STK3: variants seen among roughly 807,000 people sequenced by gnomAD.
The protein encoded by STK3 is serine/threonine kinase 3, also known as serine/threonine-protein kinase 3.
In STK3, 41 loss-of-function variants were observed where a neutral mutation model predicts 58.0. The ratio of observed to expected loss-of-function variants is 0.71; its 90% confidence interval spans 0.55 to 0.92. STK3 has a LOEUF of 0.92. Among genes scored for constraint, STK3 ranks in the 40% least tolerant of loss-of-function variants. The pLI, the probability that STK3 is intolerant of heterozygous loss-of-function variation, is 0.00. For synonymous variants in STK3, 170 were observed against 191.0 expected, an observed-to-expected ratio of 0.89 and a Z score of 0.91; for missense variants, 479 against 602.7, an observed-to-expected ratio of 0.79 and a Z score of 2.15.
At chr8:98,654,181 A>T (rs1232263353) in intron 6 of STK3, among the ~76,000 whole-genome samples, 1 of 152,270 alleles carries the variant, frequency 6.6e-6, no homozygotes, top group Non-Finnish European at 1.5e-5. Flanking sequence ...GGTTCGATAT[A>T]CAGAAATCAA....
At chr8:98,838,529 G>A (rs1479292062) in intron 3 of STK3, among the ~76,000 whole-genome samples, 3 of 151,958 alleles carry the variant, frequency 2.0e-5, no homozygotes, top group South Asian at 2.1e-4. Flanking sequence ...GAGCAGGAGC[G>A]AAAAAAGAGG....
intron 3 of STK3, among the ~76,000 whole-genome samples, chr8:98,412,592 G>C (rs1193223602): frequency 6.6e-6 from 1 of 152,212 alleles, no homozygotes; most frequent in African/African-American, 2.4e-5. Context: ...GAGTCCAACT[G>C]TCCTTATCAC....
At chr8:98,529,319 C>T (rs1825979974) in intron 9 of STK3, among the ~76,000 whole-genome samples, 2 of 152,042 alleles carry the variant, frequency 1.3e-5, no homozygotes, top group South Asian at 2.1e-4. Context: ...GACAGGTAAA[C>T]GTCCTATCTC....
At chr8:98,920,331 T>G (rs1839508588) in intron 1 of STK3, among the ~76,000 whole-genome samples, 1 of 151,854 alleles carries the variant, frequency 6.6e-6, no homozygotes. Flanking sequence ...GGGATAGAGC[T>G]GACAGAACGA....
Position 98,707,368 on chromosome 8 carries a change from C to T in STK3, c.352-57G>A, listed in dbSNP as rs1048805962. 28 of 1,271,112 alleles carry T rather than the reference C, an allele frequency of 2.2e-5. No individual in the cohort carries two copies. The East Asian group carries it at 3.9e-4, about 18-fold the overall frequency. 78.7% of individuals were successfully genotyped at this position (1,271,112 alleles called of 1,614,324 possible). On this transcript the variant is annotated intron_variant, in intron 4 of 10. Coordinates refer to ENST00000419617, the MANE Select transcript of STK3 (RefSeq NM_006281.4). ...AAATGCCACGTTAGATAAAATCTTA[C>T]GAAAGAGCACTAGTAACAAGTATGT... is the stretch of plus-strand genomic sequence containing the variant.
the STK3 span, among the ~76,000 whole-genome samples, chr8:98,346,381 A>G: frequency 6.6e-6 from 1 of 151,764 alleles, no homozygotes; most frequent in East Asian, 1.9e-4. Flanking sequence ...GAGGAGGGGG[A>G]GTAGGAGACT....
At chr8:98,357,454 C>G in the STK3 span, among the ~76,000 whole-genome samples, 1 of 152,190 alleles carries the variant, frequency 6.6e-6, no homozygotes, top group African/African-American at 2.4e-5. Context: ...CCCAGAAGCA[C>G]GGGATTCATA....
At chr8:98,830,969 CAAAAAAAAAAAAAA>C (rs760622434) in intron 3 of STK3, among the ~76,000 whole-genome samples, 4 of 59,926 alleles carry the variant, frequency 6.7e-5, no homozygotes, top group Non-Finnish European at 9.2e-5. Flanking sequence ...GACTCTGTCT[CAAAAAAAAAAAAAA>C]AAAAAAAAGG....
At chr8:98,900,130 G>A (rs188944198) in intron 1 of STK3, among the ~76,000 whole-genome samples, 49 of 152,282 alleles carry the variant, frequency 3.2e-4, no homozygotes, top group Middle Eastern at 3.4e-3. Context: ...AGGCTGGAGT[G>A]CAGTGGTGCG....
Position 98,428,432 on chromosome 8 carries a change from C to T in STK3, n.483+5695G>A. ...GCACCACGTCTTCCTTCGATGAGAT[C>T]CTTGCCTTCTACAACGACGCCTCCA... On this transcript the variant is annotated intron_variant and non_coding_transcript_variant, in intron 3 of 3. Transcript: ENST00000517832. The surrounding 1 kb of genome is among the most constrained non-coding windows in gnomAD (Gnocchi z 6.7). The T allele has an allele frequency of 6.2e-7, 1 of 1,614,146 alleles. No homozygotes were observed. The highest frequency in any genetic ancestry group is 2.2e-5 in the East Asian group (1 of 44,860).
intron 4 of STK3, chr8:98,721,160 T>C: frequency 4.1e-6 from 4 of 965,764 alleles, no homozygotes; most frequent in Non-Finnish European, 4.9e-6. Flanking sequence ...GATGCTTAAT[T>C]CTGCTAAAAC....
intron 1 of STK3, among the ~76,000 whole-genome samples, chr8:98,780,656 C>T (rs1832029131): frequency 6.6e-6 from 1 of 150,610 alleles, no homozygotes; most frequent in African/African-American, 2.4e-5. Flanking sequence ...GTAAGAAACA[C>T]AGGGGAAAAA....
chr8:98,483,812 A>G (rs1050078657), intron 10 of STK3, among the ~76,000 whole-genome samples: 12 of 152,168 alleles, frequency 7.9e-5, no homozygotes, highest in Non-Finnish European at 8.8e-5. Flanking sequence ...TTAAATTGGT[A>G]CTTAATTTGG....
At chr8:98,880,545 TTCA>T (rs1837755100), downstream of STK3, 1 of 152,184 alleles carries the variant, frequency 6.6e-6, no homozygotes, top group South Asian at 2.1e-4. Flanking sequence ...AACTCTGGTG[TTCA>T]TTTGTTGAGA....
chr8:98,910,153 T>C (rs1839072306), intron 1 of STK3, among the ~76,000 whole-genome samples: 1 of 152,256 alleles, frequency 6.6e-6, no homozygotes, highest in African/African-American at 2.4e-5. Flanking sequence ...CTTGGAGAAA[T>C]GTCTATTCAG....
At chr8:98,672,704 C>A (rs1222982308) in intron 6 of STK3, among the ~76,000 whole-genome samples, 1 of 152,014 alleles carries the variant, frequency 6.6e-6, no homozygotes, top group Non-Finnish European at 1.5e-5. Context: ...ATTAGCAAAG[C>A]CATATAATTT....
At chr8:98,355,572 T>C in the STK3 span, among the ~76,000 whole-genome samples, 2 of 152,208 alleles carry the variant, frequency 1.3e-5, no homozygotes, top group Admixed American at 1.3e-4. Context: ...AGAGAAGAAG[T>C]GCAGGAACTG....
intron 1 of STK3, among the ~76,000 whole-genome samples, chr8:98,776,016 T>C (rs528615472): frequency 6.6e-6 from 1 of 152,264 alleles, no homozygotes; most frequent in East Asian, 1.9e-4. Context: ...CTGCTGATCA[T>C]GAAGAAGCAG....
intron 9 of STK3, among the ~76,000 whole-genome samples, chr8:98,536,374 G>A (rs1809765099): frequency 6.6e-6 from 1 of 152,068 alleles, no homozygotes; most frequent in African/African-American, 2.4e-5. Flanking sequence ...GATTGCTTGA[G>A]GCCAGGAGTT....
Sources: gnomAD v4.1 joint callset for allele counts (sites outside exome capture counted in the v4.1 genomes callset) on GRCh38, gnomAD v4.1.1 for gene constraint, Gnocchi (gnomAD v3.1) non-coding constraint, MANE v1.5 for transcripts, NCBI Gene and HGNC (gene_info 2026-07-23, HGNC 2026-07-21) for gene names.